The following ZFP2 variants were observed in gnomAD, a reference collection of about 807,000 sequenced individuals.
ZFP2 encodes ZFP2 zinc finger protein.
Under a neutral mutation model 36.1 loss-of-function variants are expected in ZFP2, and 33 were observed. The ratio of observed to expected loss-of-function variants is 0.92; its 90% CI spans 0.69 to 1.22. The LOEUF is 1.22. Ranked by LOEUF, ZFP2 falls within the 50% of genes most tolerant of loss-of-function variation. ZFP2 has a pLI of 0.00. For synonymous variants in ZFP2, 170 were observed against 178.0 expected (o/e 0.96, Z 0.36); for missense variants, 522 against 551.4 (o/e 0.95, Z 0.53).
At position 178,932,370 on chromosome 5, in the gene ZFP2, C is replaced by A. The variant is rs146516042; in HGVS notation, c.1057C>A (p.Pro353Thr). The A allele has an allele frequency of 2.5e-6, 4 of 1,613,982 alleles. No individual in the cohort carries two copies. The East Asian group carries it at 6.7e-5, about 27-fold the overall frequency. Residue 353 changes from proline (P) to threonine (T), a missense_variant, in exon 5 of 5, where the codon CCT (proline) becomes ACT (threonine). Coordinates refer to ENST00000361362, the MANE Select transcript of ZFP2 (RefSeq NM_030613.4). ...TCGGAGAATTCACACTGGAGAGAAA[C>A]CTTATGAGTGTATGGTGTGTGGAAA... The part of the protein sequence containing the change: ...QHRRIHTGEK[P>T]YECMVCGKHF...
intron 1 of ZFP2, among the ~76,000 whole-genome samples, chr5:178,896,491 CG>C: frequency 6.6e-6 from 1 of 152,300 alleles, no homozygotes; most frequent in South Asian, 2.1e-4. Flanking sequence ...TTGTGTAAAC[CG>C]GGTCTCCGGA....
At chr5:178,919,628 C>T (rs1171641610) in intron 4 of ZFP2, among the ~76,000 whole-genome samples, 19 of 152,104 alleles carry the variant, frequency 1.2e-4, no homozygotes, top group Non-Finnish European at 2.8e-4. Context: ...TCAATTTTCC[C>T]TGGTTGCTTT....
At position 178,925,128 on chromosome 5, in the gene ZFP2, C is replaced by CAT. The variant is rs1758641854; in HGVS notation, c.-77-6108_-77-6107insTA. ...ATCTTTATATATATATATATATATA[C>CAT]ACACACACACACACACACACACATA... is the stretch of plus-strand genomic sequence containing the variant. On this transcript the variant is annotated intron_variant, in intron 4 of 4. Transcript: ENST00000361362. Among the ~76,000 whole-genome samples, 2 of 66,692 alleles carry CAT rather than the reference C, an allele frequency of 3.0e-5. 1 individual carries two copies. The highest frequency in any genetic ancestry group is 7.2e-5 in the Non-Finnish European group (2 of 27,918). 43.8% of individuals were successfully genotyped at this position (66,692 alleles called of 152,430 possible). A position where few individuals can be genotyped will look rare whatever the true frequency, so the allele number is the denominator to read the frequency against.
At chr5:178,930,969 C>T (rs1047527559) in intron 4 of ZFP2, among the ~76,000 whole-genome samples, 1 of 152,196 alleles carries the variant, frequency 6.6e-6, no homozygotes, top group Non-Finnish European at 1.5e-5. Flanking sequence ...GTCCATCCCT[C>T]CTGAATGGGC....
chr5:178,908,317 G>A (rs1490850140), intron 1 of ZFP2, among the ~76,000 whole-genome samples: 1 of 151,764 alleles, frequency 6.6e-6, no homozygotes, highest in African/African-American at 2.4e-5. Flanking sequence ...TGTGGTGGTG[G>A]TTGCCTGTAG....
intron 1 of ZFP2, chr5:178,910,492 C>T: frequency 1.5e-6 from 1 of 646,866 alleles, no homozygotes; most frequent in South Asian, 1.5e-5. Context: ...GTACTTGCTC[C>T]TCACAGTGGC....
At chr5:178,924,103 G>A (rs934376359) in intron 4 of ZFP2, among the ~76,000 whole-genome samples, 3 of 149,188 alleles carry the variant, frequency 2.0e-5, no homozygotes, top group African/African-American at 4.9e-5. Flanking sequence ...GCAAGGTGTG[G>A]TGGCTCATGC....
rs193081288 is a variant in ZFP2, at chr5:178,909,168, T to A, written c.-449-3416T>A. Among the ~76,000 whole-genome samples the A allele has an allele frequency of 3.8e-4, 53 of 139,380 alleles. No individual in the cohort carries two copies. In the East Asian group the frequency reaches 9.7e-3, roughly 26 times the overall value. 91.4% of individuals were successfully genotyped at this position (139,380 alleles called of 152,430 possible). ...GGCGTAAAACCCCTCGTGGCCTGGA[T>A]GGAATCCAGGGCTCAGGGCGTAAAA... On this transcript the variant is annotated intron_variant, in intron 1 of 4. Transcript: ENST00000361362.
chr5:178,930,811 T>C (rs1758811918), intron 4 of ZFP2, among the ~76,000 whole-genome samples: 2 of 152,098 alleles, frequency 1.3e-5, no homozygotes, highest in Admixed American at 6.5e-5. Flanking sequence ...CTAGGTGGCC[T>C]CGTAGGAGGA....
intron 1 of ZFP2, among the ~76,000 whole-genome samples, chr5:178,905,103 G>A (rs1758143069): frequency 6.6e-6 from 1 of 152,112 alleles, no homozygotes; most frequent in Admixed American, 6.5e-5. Flanking sequence ...TTATTATGAA[G>A]TTCCAACAGT....
intron 1 of ZFP2, among the ~76,000 whole-genome samples, chr5:178,901,374 A>G (rs1004332248): frequency 6.6e-6 from 1 of 152,206 alleles, no homozygotes; most frequent in Non-Finnish European, 1.5e-5. Context: ...TCGAAACAAT[A>G]GAAATTTATT....
At chr5:178,909,258 A>G (rs1369940347) in intron 1 of ZFP2, among the ~76,000 whole-genome samples, 1 of 152,210 alleles carries the variant, frequency 6.6e-6, no homozygotes, top group African/African-American at 2.4e-5. Context: ...TCCCAGGCTC[A>G]TAGTTCGATT....
chr5:178,911,494 G>A (rs779167202), intron 1 of ZFP2, among the ~76,000 whole-genome samples: 5 of 152,014 alleles, frequency 3.3e-5, no homozygotes, highest in Admixed American at 6.6e-5. Context: ...CTCCTCTGCC[G>A]TCTGTATGTG....
At chr5:178,899,981 T>A (rs1758022322) in intron 1 of ZFP2, among the ~76,000 whole-genome samples, 1 of 152,114 alleles carries the variant, frequency 6.6e-6, no homozygotes, top group Admixed American at 6.5e-5. Context: ...CTTTCTTCAG[T>A]ATTATCAAAC....
chr5:178,932,063 C>T lies in ZFP2; in HGVS notation c.750C>T (p.Ala250=). The stretch of plus-strand genomic sequence containing the variant: ...ATGAATGTAATGAATGTGGAAAAGC[C>T]TTCAGTCAAAGCATGCATCTTATTG... ...KPYECNECGK[A]FSQSMHLIVH... The change falls in exon 5 of 5, where the codon GCC becomes GCT. Residue 250 remains alanine (A), a synonymous_variant. Transcript: ENST00000361362. The T allele has an allele frequency of 6.2e-7, 1 of 1,614,004 alleles. No homozygotes were observed. Among genetic ancestry groups the T allele is most frequent in the Non-Finnish European group, 8.5e-7 (1 of 1,179,996 alleles).
intron 1 of ZFP2, among the ~76,000 whole-genome samples, chr5:178,910,930 C>T (rs1415037731): frequency 6.6e-6 from 1 of 152,068 alleles, no homozygotes; most frequent in African/African-American, 2.4e-5. Context: ...AAAAAGGTTC[C>T]TTTTAATAGG....
chr5:178,914,716 T>C (rs1187412821), intron 3 of ZFP2, among the ~76,000 whole-genome samples: 1 of 151,838 alleles, frequency 6.6e-6, no homozygotes, highest in African/African-American at 2.4e-5. Flanking sequence ...TATAACACAG[T>C]GATAGGTGCG....
chr5:178,928,839 A>T (rs1758754413), intron 4 of ZFP2, among the ~76,000 whole-genome samples: 1 of 152,236 alleles, frequency 6.6e-6, no homozygotes, highest in Non-Finnish European at 1.5e-5. Flanking sequence ...GCCCTAGTAT[A>T]GGTTCTCTGT....
intron 4 of ZFP2, among the ~76,000 whole-genome samples, chr5:178,926,363 G>A (rs1236315206): frequency 6.6e-6 from 1 of 152,064 alleles, no homozygotes; most frequent in Non-Finnish European, 1.5e-5. Context: ...TCTGGACTTT[G>A]TATTTGTCTA....
Sources: allele counts gnomAD v4.1 joint callset (sites outside exome capture counted in the v4.1 genomes callset), GRCh38; gene constraint gnomAD v4.1.1; transcripts MANE v1.5; gene names NCBI Gene and HGNC (gene_info 2026-07-23, HGNC 2026-07-21).